The following HDAC4 variants were observed in gnomAD, a reference collection of about 807,000 sequenced individuals.
HDAC4 encodes the protein histone deacetylase 4.
HDAC4 carries 16 observed loss-of-function variants against 135.1 expected under a neutral mutation model. The ratio of observed to expected loss-of-function variants is 0.12; its 90% CI spans 0.08 to 0.18. The LOEUF (loss-of-function observed/expected upper bound fraction) is 0.18. Among genes scored for constraint, HDAC4 ranks in the 10% least tolerant of loss-of-function variants. The probability of loss-of-function intolerance (pLI) is 1.00; values close to 1 mark genes in which losing one functional copy is unlikely to be tolerated. For synonymous variants in HDAC4, 685 were observed against 653.4 expected, an observed-to-expected ratio of 1.05 and a Z score of -0.74; for missense variants, 1,143 against 1,511.8, an observed-to-expected ratio of 0.76 and a Z score of 4.05.
intron 2 of HDAC4, among the ~76,000 whole-genome samples, chr2:239,265,896 C>T (rs574415926): frequency 1.2e-4 from 19 of 152,208 alleles, no homozygotes; most frequent in Non-Finnish European, 2.5e-4. Flanking sequence ...GGCAGTGCCC[C>T]GATCAGGCTG....
At chr2:239,362,280 C>T (rs1247362111) in intron 1 of HDAC4, among the ~76,000 whole-genome samples, 2 of 152,228 alleles carry the variant, frequency 1.3e-5, no homozygotes, top group African/African-American at 2.4e-5. Context: ...AAAGCAAATG[C>T]ATCACTAACG....
At chr2:239,305,354 G>T (rs549442360) in intron 2 of HDAC4, 1 of 152,782 alleles carries the variant, frequency 6.5e-6, no homozygotes, top group East Asian at 1.9e-4. Flanking sequence ...CAATGGTAGG[G>T]AACATTCCTT....
chr2:239,368,053 T>A (rs1000437700), intron 1 of HDAC4, among the ~76,000 whole-genome samples: 6 of 152,176 alleles, frequency 3.9e-5, no homozygotes, highest in African/African-American at 1.4e-4. Flanking sequence ...TCATTATGTA[T>A]ACGCAAATAC....
At chr2:239,237,326 T>C (rs2047941119) in intron 2 of HDAC4, among the ~76,000 whole-genome samples, 1 of 152,146 alleles carries the variant, frequency 6.6e-6, no homozygotes, top group Admixed American at 6.5e-5. Flanking sequence ...GGGATTTTTC[T>C]ATATTCTCCC....
chr2:239,118,394 G>A (rs1423636894), intron 12 of HDAC4, among the ~76,000 whole-genome samples: 6 of 152,320 alleles, frequency 3.9e-5, no homozygotes, highest in African/African-American at 7.2e-5. Flanking sequence ...GGGGCGGGCC[G>A]GCCATCGGCA....
At chr2:239,134,028 T>C (rs949237152) in intron 11 of HDAC4, among the ~76,000 whole-genome samples, 1 of 152,126 alleles carries the variant, frequency 6.6e-6, no homozygotes, top group African/African-American at 2.4e-5. Context: ...GGGAAGTGAC[T>C]TCTGTTTCCA....
intron 1 of HDAC4, among the ~76,000 whole-genome samples, chr2:239,398,835 T>TC (rs1696738875): frequency 6.6e-6 from 1 of 151,990 alleles, no homozygotes; most frequent in African/African-American, 2.4e-5. Flanking sequence ...AGCCCAGGGC[T>TC]CCCCCGGGGG....
At chr2:239,351,626 A>T in intron 2 of HDAC4, 1 of 154,402 alleles carries the variant, frequency 6.5e-6, no homozygotes, top group East Asian at 1.9e-4. Flanking sequence ...ATATCTAAAA[A>T]AACCTGGAAT....
chr2:239,211,717 T>C (rs1428069635), intron 3 of HDAC4, among the ~76,000 whole-genome samples: 2 of 152,214 alleles, frequency 1.3e-5, no homozygotes, highest in Non-Finnish European at 1.5e-5. Context: ...CTTTTCCACT[T>C]TGCTTTCACT....
At chr2:239,201,140 T>G (rs1446190798) in intron 3 of HDAC4, among the ~76,000 whole-genome samples, 2 of 152,166 alleles carry the variant, frequency 1.3e-5, no homozygotes, top group Non-Finnish European at 2.9e-5. Flanking sequence ...TTAAGTGACT[T>G]GCCCAGGGCC....
At chr2:239,357,417 A>G (rs1575743726) in intron 1 of HDAC4, among the ~76,000 whole-genome samples, 1 of 151,396 alleles carries the variant, frequency 6.6e-6, no homozygotes, top group African/African-American at 2.4e-5. Flanking sequence ...TTTCACCTTA[A>G]AAAATTAGAA....
chr2:239,059,359 T>G lies in HDAC4; in HGVS notation c.3004-4526A>C, dbSNP rs1324490563. 2.0e-5 allele frequency among the ~76,000 whole-genome samples: 3 copies of G among 152,152 alleles called. No individual in the cohort carries two copies. The East Asian group carries it at 5.8e-4, about 29-fold the overall frequency. ...CTGAAAAGAAAAAAGGATGCTGCAG[T>G]TGAAAACTGATTCTCGGAAGTGCTT... On this transcript the variant is annotated intron_variant, in intron 24 of 26. Coordinates refer to ENST00000543185, the MANE Select transcript of HDAC4 (RefSeq NM_001378414.1).
At chr2:239,371,602 T>C (rs918113303) in intron 1 of HDAC4, among the ~76,000 whole-genome samples, 2 of 152,070 alleles carry the variant, frequency 1.3e-5, no homozygotes, top group African/African-American at 4.8e-5. Context: ...CAAACACTCA[T>C]GCTCACACAT....
intron 3 of HDAC4, among the ~76,000 whole-genome samples, chr2:239,224,740 C>T (rs2047148302): frequency 6.6e-6 from 1 of 152,190 alleles, no homozygotes; most frequent in South Asian, 2.1e-4. Context: ...CATTAGAAGG[C>T]CCAATCAATA....
intron 5 of HDAC4, among the ~76,000 whole-genome samples, chr2:239,171,146 C>A (rs1187968278): frequency 1.4e-5 from 2 of 139,924 alleles, no homozygotes; most frequent in African/African-American, 2.7e-5. Flanking sequence ...AATATCCAAC[C>A]ATAGAAATAA....
intron 3 of HDAC4, among the ~76,000 whole-genome samples, chr2:239,217,372 T>G (rs546609466): frequency 6.6e-6 from 1 of 152,154 alleles, no homozygotes; most frequent in African/African-American, 2.4e-5. Flanking sequence ...AAACTGAAAT[T>G]TGGGGGAAGA....
intron 22 of HDAC4, among the ~76,000 whole-genome samples, chr2:239,075,589 G>A (rs988628303): frequency 6.6e-6 from 1 of 152,226 alleles, no homozygotes; most frequent in Admixed American, 6.5e-5. Context: ...AGAGGGAAAC[G>A]TGGTGCTAAG....
At chr2:239,108,295 G>T (rs1458741510) in intron 14 of HDAC4, 112 bp from the exon 15 acceptor site, 1 of 1,303,228 alleles carries the variant, frequency 7.7e-7, no homozygotes, top group Non-Finnish European at 1.1e-6. Flanking sequence ...AGAAGGAGAC[G>T]GAAGCTGGGA....
chr2:239,120,852 G>T (rs1328446488), intron 12 of HDAC4, among the ~76,000 whole-genome samples: 2 of 151,898 alleles, frequency 1.3e-5, no homozygotes, highest in Non-Finnish European at 2.9e-5. Flanking sequence ...GGAGGGGAGG[G>T]GTTCCTGCAG....
Sources: allele counts gnomAD v4.1 joint callset (sites outside exome capture counted in the v4.1 genomes callset), GRCh38; gene constraint gnomAD v4.1.1; transcripts MANE v1.5; gene names NCBI Gene and HGNC (gene_info 2026-07-23, HGNC 2026-07-21).